RNGTT: variants seen among roughly 807,000 people sequenced by gnomAD.
The protein encoded by RNGTT is mRNA-capping enzyme.
Under a neutral mutation model 79.3 loss-of-function variants are expected in RNGTT, and 33 were observed. The observed-to-expected ratio is 0.42, with a 90% CI of 0.32 to 0.56. RNGTT has a LOEUF of 0.56. Among genes scored for constraint, RNGTT ranks in the 20% least tolerant of loss-of-function variants. The pLI is 0.17. For missense variants in RNGTT, 497 were observed against 739.1 expected (o/e 0.67, Z 3.80); for synonymous variants, 222 against 235.9 (o/e 0.94, Z 0.54).
At chr6:88,719,849 CAG>C (rs1251280843) in intron 13 of RNGTT, among the ~76,000 whole-genome samples, 1 of 152,180 alleles carries the variant, frequency 6.6e-6, no homozygotes, top group Non-Finnish European at 1.5e-5. Context: ...GATGACCTAA[CAG>C]AATTCCTTGT....
Position 88,678,529 on chromosome 6 carries a change from T to C in RNGTT, c.1440-110A>G, listed in dbSNP as rs1774969965. 2 of 534,920 alleles carry C rather than the reference T, an allele frequency of 3.7e-6. 1 individual carries two copies. The highest frequency in any genetic ancestry group is 1.7e-4 in the South Asian group (2 of 11,496). 33.1% of individuals were successfully genotyped at this position (534,920 alleles called of 1,614,324 possible). A position where few individuals can be genotyped will look rare whatever the true frequency, so the allele number is the denominator to read the frequency against. ...TAATATAGATATACTATAAAATATA[T>C]TAGATGGATGCTGTGAGAAAAGTAA... On this transcript the variant is annotated intron_variant, in intron 13 of 15. Transcript: ENST00000369485.
chr6:88,901,545 C>G (rs1212535693), intron 6 of RNGTT, among the ~76,000 whole-genome samples: 2 of 110,206 alleles, frequency 1.8e-5, no homozygotes, highest in Non-Finnish European at 3.4e-5. Flanking sequence ...CTCACTCTGT[C>G]GACCAGGCTG....
chr6:88,948,193 C>T (rs1582166500), intron 1 of RNGTT, among the ~76,000 whole-genome samples: 1 of 28,296 alleles, frequency 3.5e-5, no homozygotes, highest in Admixed American at 3.3e-4. Flanking sequence ...GGGGGTCAGC[C>T]CCCCCGCCCG....
intron 11 of RNGTT, among the ~76,000 whole-genome samples, chr6:88,806,790 T>C (rs544988623): frequency 5.3e-5 from 8 of 152,326 alleles, no homozygotes; most frequent in Non-Finnish European, 1.2e-4. Context: ...GATATATGCA[T>C]GTGTAAATTC....
chr6:88,863,884 G>A (rs562281595), intron 8 of RNGTT, among the ~76,000 whole-genome samples: 20 of 152,052 alleles, frequency 1.3e-4, no homozygotes, highest in Non-Finnish European at 2.5e-4. Context: ...ACTCAATAGT[G>A]CTTGCTATCT....
At chr6:88,922,972 G>C (rs969402819) in intron 4 of RNGTT, among the ~76,000 whole-genome samples, 2 of 152,106 alleles carry the variant, frequency 1.3e-5, no homozygotes. Flanking sequence ...GCATCCTCAT[G>C]GTTTCAATTA....
intron 13 of RNGTT, among the ~76,000 whole-genome samples, chr6:88,761,246 T>C (rs1412150365): frequency 3.3e-5 from 5 of 151,944 alleles, no homozygotes; most frequent in African/African-American, 9.7e-5. Flanking sequence ...TCCCAGCACT[T>C]TGGGAGGCCG....
intron 12 of RNGTT, among the ~76,000 whole-genome samples, chr6:88,797,181 T>G (rs1351752549): frequency 6.6e-6 from 1 of 152,138 alleles, no homozygotes; most frequent in African/African-American, 2.4e-5. Context: ...GAGGCTTGAT[T>G]TATTACGAGA....
intron 4 of RNGTT, among the ~76,000 whole-genome samples, chr6:88,919,138 A>C (rs770633131): frequency 1.8e-4 from 28 of 152,230 alleles, no homozygotes; most frequent in Non-Finnish European, 3.8e-4. Flanking sequence ...TTTGATATTA[A>C]AAAATCCATT....
rs760115701 is a variant in RNGTT, at chr6:88,929,018, G to A, written c.334C>T (p.Arg112Trp). Residue 112 changes from arginine (R) to tryptophan (W), a missense_variant, in exon 4 of 16, where the codon CGG (arginine) becomes TGG (tryptophan). Physicochemically the swap from Arg to Trp is moderately radical, Grantham distance 101 (BLOSUM62 -3). Around this residue, in one of 3 missense-constraint regions of RNGTT, gnomAD observed 440 missense variants for 671.5 expected, o/e 0.66. Coordinates refer to ENST00000369485, the MANE Select transcript of RNGTT (RefSeq NM_003800.5). ...NTETFIRLCERFNERNPPELI... is the reference protein window; with the variant it reads ...NTETFIRLCEWFNERNPPELI... ...TCAGGTGGATTTCTTTCATTAAACCGCTCACACAGACGAATAAAGGTCTCA... is the reference window on the plus strand; with the variant it reads ...TCAGGTGGATTTCTTTCATTAAACCACTCACACAGACGAATAAAGGTCTCA... 12 of 1,612,096 alleles carry A rather than the reference G, an allele frequency of 7.4e-6. 1 individual carries two copies. The highest frequency in any genetic ancestry group is 1.0e-5 in the Non-Finnish European group (12 of 1,179,034).
At chr6:88,628,758 G>C (rs1024554572) in intron 14 of RNGTT, among the ~76,000 whole-genome samples, 1 of 152,128 alleles carries the variant, frequency 6.6e-6, no homozygotes, top group African/African-American at 2.4e-5. Flanking sequence ...TTTGGATCTA[G>C]AGCTCTACAT....
intron 8 of RNGTT, among the ~76,000 whole-genome samples, chr6:88,886,539 T>C (rs1443129589): frequency 1.3e-5 from 2 of 152,344 alleles, no homozygotes; most frequent in Admixed American, 6.5e-5. Flanking sequence ...GGAAATTCTT[T>C]GTACTATTTT....
chr6:88,906,362 T>A lies in RNGTT; in HGVS notation c.443+3A>T. 1 of 1,566,336 alleles carries A rather than the reference T, an allele frequency of 6.4e-7. No homozygotes were observed. Among genetic ancestry groups the A allele is most frequent in the Non-Finnish European group, 8.7e-7 (1 of 1,151,436 alleles). On this transcript the variant is annotated splice_donor_region_variant and intron_variant, in intron 5 of 15. Transcript: ENST00000369485. Reference sequence around the variant, plus strand: ...ATCTTCCATTATAACAAGATACAAATACCTCCAATCCATTTTCTCCACCAA... The same window carrying A: ...ATCTTCCATTATAACAAGATACAAAAACCTCCAATCCATTTTCTCCACCAA...
intron 12 of RNGTT, among the ~76,000 whole-genome samples, chr6:88,796,550 T>C (rs532814211): frequency 7.9e-5 from 12 of 152,310 alleles, no homozygotes; most frequent in East Asian, 1.9e-4. Flanking sequence ...TGTTTGAAGA[T>C]TGGTTGTCCC....
At chr6:88,939,621 T>C (rs1784782105) in intron 2 of RNGTT, among the ~76,000 whole-genome samples, 2 of 152,136 alleles carry the variant, frequency 1.3e-5, no homozygotes. Flanking sequence ...TTCATGAATT[T>C]TTTTATTATG....
intron 14 of RNGTT, among the ~76,000 whole-genome samples, chr6:88,633,107 G>A (rs1772964792): frequency 6.6e-6 from 1 of 152,108 alleles, no homozygotes; most frequent in Admixed American, 6.6e-5. Flanking sequence ...GTCAAATCCT[G>A]AAATATCATG....
At chr6:88,634,550 C>T (rs924321655) in intron 14 of RNGTT, among the ~76,000 whole-genome samples, 17 of 151,964 alleles carry the variant, frequency 1.1e-4, no homozygotes, top group Non-Finnish European at 2.5e-4. Flanking sequence ...ATATGACAAA[C>T]CTCTGTGAGT....
chr6:88,790,244 T>C (rs1278403308), intron 12 of RNGTT, among the ~76,000 whole-genome samples: 2 of 152,140 alleles, frequency 1.3e-5, no homozygotes, highest in Admixed American at 6.5e-5. Context: ...TTGAGTCATA[T>C]AAATAACAGG....
intron 14 of RNGTT, among the ~76,000 whole-genome samples, chr6:88,631,303 AC>A (rs1772874449): frequency 6.6e-6 from 1 of 152,222 alleles, no homozygotes; most frequent in Admixed American, 6.5e-5. Flanking sequence ...CTGACCTTAA[AC>A]ATATGAATGA....
Sources: allele counts gnomAD v4.1 joint callset (sites outside exome capture counted in the v4.1 genomes callset), GRCh38; gene constraint gnomAD v4.1.1; regional missense constraint gnomAD v4.1.1; transcripts MANE v1.5; gene names NCBI Gene and HGNC (gene_info 2026-07-23, HGNC 2026-07-21).